The following ELFN1 variants were observed in gnomAD, a reference collection of about 807,000 sequenced individuals.
ELFN1 encodes the protein extracellular leucine rich repeat and fibronectin type III domain containing 1, also known as protein ELFN1.
ELFN1 carries 6 observed loss-of-function variants against 7.6 expected under a neutral mutation model. The observed-to-expected ratio is 0.79, with a 90% CI of 0.43 to 1.56. The LOEUF is 1.56. Among genes scored for constraint, ELFN1 ranks in the 40% most tolerant of loss-of-function variants. The probability of loss-of-function intolerance (pLI) is 0.01; values close to 1 mark genes in which losing one functional copy is unlikely to be tolerated. For missense variants in ELFN1, 1,169 were observed against 1,232.2 expected (o/e 0.95, Z 0.77); for synonymous variants, 657 against 588.1 (o/e 1.12, Z -1.70).
intron 1 of ELFN1, among the ~76,000 whole-genome samples, chr7:1,682,944 A>G (rs1285738365): frequency 1.3e-5 from 2 of 152,094 alleles, no homozygotes; most frequent in African/African-American, 2.4e-5. Context: ...TTATTTTTCT[A>G]TATCTATTAA....
intron 1 of ELFN1, among the ~76,000 whole-genome samples, chr7:1,671,762 C>T (rs1778771700): frequency 6.6e-6 from 1 of 152,236 alleles, no homozygotes; most frequent in Admixed American, 6.5e-5. Context: ...ATTGAACAAG[C>T]ATTGAGAAGA....
At chr7:1,696,575 C>CT (rs1488464677) in intron 2 of ELFN1, among the ~76,000 whole-genome samples, 1 of 152,100 alleles carries the variant, frequency 6.6e-6, no homozygotes, top group Non-Finnish European at 1.5e-5. Flanking sequence ...TTGTTTAAAA[C>CT]TTTTTTCTGT....
At position 1,735,175 on chromosome 7, in the gene ELFN1, G is replaced by T. The variant is rs114819954; in HGVS notation, c.-293-9129G>T. On this transcript the variant is annotated intron_variant, in intron 3 of 3. Coordinates refer to ENST00000424383, the MANE Select transcript of ELFN1 (RefSeq NM_001128636.4). The surrounding 1 kb of genome is among the most constrained non-coding windows in gnomAD (Gnocchi z 5.9). The stretch of plus-strand genomic sequence containing the variant: ...ACCCTGGGGAGGGGCTTTGCATGCG[G>T]GAGGTGCTGCACACCGGCGGACCGT... 0.014 allele frequency among the ~76,000 whole-genome samples: 2,064 copies of T among 152,254 alleles called. 50 individuals carry two copies. Among genetic ancestry groups the T allele is most frequent in the African/African-American group, 0.047 (1,972 of 41,528 alleles).
chr7:1,736,626 G>GT (rs1199550670), intron 3 of ELFN1, among the ~76,000 whole-genome samples: 1 of 152,236 alleles, frequency 6.6e-6, no homozygotes, highest in African/African-American at 2.4e-5. Flanking sequence ...GGGGCAGTGT[G>GT]TGTGAGGGTG....
intron 3 of ELFN1, among the ~76,000 whole-genome samples, chr7:1,738,260 G>C (rs2128601958): frequency 6.6e-6 from 1 of 152,300 alleles, no homozygotes; most frequent in South Asian, 2.1e-4. Flanking sequence ...CTCTCCATCT[G>C]GGTGAGGGGC....
chr7:1,745,758 C>A lies in ELFN1; in HGVS notation c.1162C>A (p.Leu388Met), dbSNP rs375712569. ...CTGCGTGGTGTCCACCAGCGCCGGG[C>A]TGCGCCACAACCACACCTGCCTCAC... ...TYCVVSTSAG[L>M]RHNHTCLTIC... Residue 388 changes from leucine (L) to methionine (M), a missense_variant, in exon 4 of 4, where the codon CTG (leucine) becomes ATG (methionine). Physicochemically the swap from Leu to Met is conservative, Grantham distance 15. Transcript: ENST00000424383. The A allele has an allele frequency of 1.3e-5, 20 of 1,552,056 alleles. No individual in the cohort carries two copies. Among genetic ancestry groups the A allele is most frequent in the East Asian group, 4.9e-5 (2 of 40,934 alleles).
intron 1 of ELFN1, among the ~76,000 whole-genome samples, chr7:1,680,986 C>T (rs1778965801): frequency 6.6e-6 from 1 of 152,172 alleles, no homozygotes; most frequent in South Asian, 2.1e-4. Context: ...AGGTGATCCA[C>T]ACCCCTCAGC....
chr7:1,732,923 CAG>C (rs975957753), intron 3 of ELFN1, among the ~76,000 whole-genome samples: 1 of 152,082 alleles, frequency 6.6e-6, no homozygotes, highest in African/African-American at 2.4e-5. Context: ...TTTTTTGAGA[CAG>C]AATCTCACTC....
At chr7:1,742,578 G>A (rs183123948) in intron 3 of ELFN1, among the ~76,000 whole-genome samples, 15 of 152,302 alleles carry the variant, frequency 9.8e-5, no homozygotes, top group African/African-American at 3.1e-4. Context: ...ACATCCAACC[G>A]GACCACGTGG....
chr7:1,670,983 AC>A lies in ELFN1; in HGVS notation c.-549+633del, dbSNP rs150419697. Among the ~76,000 whole-genome samples the A allele has an allele frequency of 0.23, 34,519 of 151,454 alleles. 4,854 individuals are homozygous for A. Among genetic ancestry groups the A allele is most frequent in the Non-Finnish European group, 0.31 (21,204 of 67,828 alleles). On this transcript the variant is annotated intron_variant, in intron 1 of 3. Transcript: ENST00000424383. This position sits in a 1 kb window ranked among gnomAD's most constrained non-coding sequence, Gnocchi z 6.4. ...GAACTGAACTTACTGGGTGCTTTCC[AC>A]CCCTCGCCCCACCTGGAGTCCATCC...
upstream of ELFN1, among the ~76,000 whole-genome samples, chr7:1,667,867 A>G (rs1778693624): frequency 6.6e-6 from 1 of 150,422 alleles, no homozygotes; most frequent in African/African-American, 2.4e-5. This position sits in a 1 kb window ranked among gnomAD's most constrained non-coding sequence, Gnocchi z 8.2. Flanking sequence ...CGTCCGGGTA[A>G]CAGCAGGCCG....
intron 1 of ELFN1, among the ~76,000 whole-genome samples, chr7:1,679,414 C>T (rs1220948845): frequency 1.3e-5 from 2 of 152,130 alleles, no homozygotes; most frequent in South Asian, 2.1e-4. Flanking sequence ...GGGCCGTGGG[C>T]AGGGAACTCT....
intron 3 of ELFN1, among the ~76,000 whole-genome samples, chr7:1,727,259 C>T (rs1020342573): frequency 6.6e-6 from 1 of 152,186 alleles, no homozygotes; most frequent in African/African-American, 2.4e-5. Context: ...GGCCTCTCCA[C>T]CATGCAGTCT....
At chr7:1,707,787 C>T (rs899776312) in intron 2 of ELFN1, among the ~76,000 whole-genome samples, 3 of 152,210 alleles carry the variant, frequency 2.0e-5, no homozygotes, top group African/African-American at 7.2e-5. Flanking sequence ...GCTTCTAACC[C>T]ACAATTTTAG....
rs1344039283 is a variant in ELFN1 at position 1,705,903 on chromosome 7, C to G, written c.-455-3188C>G. On this transcript the variant is annotated intron_variant, in intron 2 of 3. Transcript: ENST00000424383. This position sits in a 1 kb window ranked among gnomAD's most constrained non-coding sequence, Gnocchi z 4.3. ...CCAGCCCAGTGGTCTCTGAGGTTCCCCAGCCTGCGGTTCCAGACGAGATTG... is the reference window on the plus strand; with the variant it reads ...CCAGCCCAGTGGTCTCTGAGGTTCCGCAGCCTGCGGTTCCAGACGAGATTG... 1.3e-5 allele frequency among the ~76,000 whole-genome samples: 2 copies of G among 152,186 alleles called. No homozygotes were observed. The highest frequency in any genetic ancestry group is 3.8e-4 in the East Asian group (2 of 5,198).
Position 1,744,792 on chromosome 7 carries a change from C to A in ELFN1, c.196C>A (p.Arg66=), listed in dbSNP as rs752573685. The change falls in exon 4 of 4, where the codon CGG becomes AGG. Residue 66 remains arginine (R), a synonymous_variant. Transcript: ENST00000424383. The part of the protein sequence containing the change: ...QQINSTIVDL[R]LNENRIRSVQ... Reference sequence around the variant, plus strand: ...GATCAACAGCACCATCGTGGACCTGCGGCTCAACGAGAACCGTATCCGCAG... The same window carrying A: ...GATCAACAGCACCATCGTGGACCTGAGGCTCAACGAGAACCGTATCCGCAG... The A allele has an allele frequency of 1.7e-5, 26 of 1,556,664 alleles. No individual in the cohort carries two copies. Among genetic ancestry groups the A allele is most frequent in the Non-Finnish European group, 2.2e-5 (25 of 1,149,700 alleles).
chr7:1,702,298 C>A (rs1029035409), intron 2 of ELFN1, among the ~76,000 whole-genome samples: 1 of 151,880 alleles, frequency 6.6e-6, no homozygotes, highest in African/African-American at 2.4e-5. Context: ...ATGGCGGGTG[C>A]CTGTAGTCCC....
At chr7:1,700,977 G>A (rs546100749) in intron 2 of ELFN1, among the ~76,000 whole-genome samples, 1 of 152,216 alleles carries the variant, frequency 6.6e-6, no homozygotes, top group Non-Finnish European at 1.5e-5. Context: ...CATAAGAGGT[G>A]TTTATAGATT....
chr7:1,746,765 G>A lies in ELFN1; in HGVS notation c.2169G>A (p.Pro723=). ...CACCTGCGCCCCCCGGGCCACCGCCGCCGCCTCCGCACGAGGGCCTGGGGC... is the reference window on the plus strand; with the variant it reads ...CACCTGCGCCCCCCGGGCCACCGCCACCGCCTCCGCACGAGGGCCTGGGGC... ...AEPPAPPGPP[P]PPPHEGLGRK... The change falls in exon 4 of 4, where the codon CCG becomes CCA. Residue 723 remains proline, a synonymous_variant. Transcript: ENST00000424383. 2.0e-6 allele frequency: 3 copies of A among 1,508,102 alleles called. No individual in the cohort carries two copies. The highest frequency in any genetic ancestry group is 1.2e-5 in the South Asian group (1 of 80,604). The allele number at this position is 1,508,102 out of a possible 1,614,324, so 93.4% of individuals were successfully genotyped here. A position where few individuals can be genotyped will look rare whatever the true frequency, so the allele number is the denominator to read the frequency against.
Sources: gnomAD v4.1 joint callset for allele counts (sites outside exome capture counted in the v4.1 genomes callset) on GRCh38, gnomAD v4.1.1 for gene constraint, Gnocchi (gnomAD v3.1) non-coding constraint, MANE v1.5 for transcripts, NCBI Gene and HGNC (gene_info 2026-07-23, HGNC 2026-07-21) for gene names.